SCD5: variants seen among roughly 807,000 people sequenced by gnomAD.
SCD5 encodes the protein acyl-CoA-desaturase 4.
In SCD5, 20 loss-of-function variants were observed where a neutral mutation model predicts 30.4. The observed-to-expected ratio is 0.66, with a 90% confidence interval of 0.46 to 0.96. The LOEUF (loss-of-function observed/expected upper bound fraction) is 0.96, where lower values mean the gene tolerates loss of function less well. Ranked by LOEUF, SCD5 falls within the 40% of genes least tolerant of loss-of-function variation. The pLI, the probability that SCD5 is intolerant of heterozygous loss-of-function variation, is 0.00. For synonymous variants in SCD5, 173 were observed against 176.4 expected, an observed-to-expected ratio of 0.98 and a Z score of 0.16; for missense variants, 381 against 443.3, an observed-to-expected ratio of 0.86 and a Z score of 1.26.
intron 2 of SCD5, among the ~76,000 whole-genome samples, 169 bp downstream of exon 2, chr4:82,705,114 T>C (rs1281546168): frequency 2.0e-5 from 3 of 152,246 alleles, no homozygotes; most frequent in Non-Finnish European, 2.9e-5. Flanking sequence ...GACATTTTAC[T>C]GTATCTAAAA....
chr4:82,795,746 C>G (rs1302814750), intron 1 of SCD5, among the ~76,000 whole-genome samples: 1 of 133,352 alleles, frequency 7.5e-6, no homozygotes, highest in Non-Finnish European at 1.5e-5. Context: ...TGCTTGAGCC[C>G]AGGAGACTGA....
chr4:82,716,875 C>T (rs1001759184), intron 1 of SCD5, among the ~76,000 whole-genome samples: 3 of 151,786 alleles, frequency 2.0e-5, no homozygotes, highest in Non-Finnish European at 4.4e-5. Flanking sequence ...GTTATGTCTG[C>T]ACTAAATATG....
intron 2 of SCD5, among the ~76,000 whole-genome samples, chr4:82,685,913 C>T (rs1013669613): frequency 6.6e-6 from 1 of 151,958 alleles, no homozygotes; most frequent in Non-Finnish European, 1.5e-5. Context: ...ACTTGTAGCA[C>T]ACCTCCAGGG....
At chr4:82,740,961 G>T (rs902509016) in intron 1 of SCD5, among the ~76,000 whole-genome samples, 10 of 150,546 alleles carry the variant, frequency 6.6e-5, no homozygotes, top group Non-Finnish European at 1.2e-4. Context: ...TTGAGACAGG[G>T]TCTCGCTCTG....
chr4:82,703,818 G>C (rs1414522758), intron 2 of SCD5, among the ~76,000 whole-genome samples: 1 of 152,140 alleles, frequency 6.6e-6, no homozygotes, highest in African/African-American at 2.4e-5. Flanking sequence ...TTGAACACAA[G>C]AAATGAAAAT....
intron 1 of SCD5, among the ~76,000 whole-genome samples, chr4:82,793,914 TG>T (rs1722153248): frequency 6.6e-6 from 1 of 152,106 alleles, no homozygotes; most frequent in African/African-American, 2.4e-5. Flanking sequence ...CATGCATTCT[TG>T]GGGGTCCTCA....
At chr4:82,681,013 T>G (rs868184593) in intron 2 of SCD5, 101 bp from the exon 3 acceptor site, 31 of 929,612 alleles carry the variant, frequency 3.3e-5, no homozygotes, top group Middle Eastern at 6.6e-4. Flanking sequence ...TCCTCACTGC[T>G]GGTTTCACTT....
chr4:82,688,759 C>T (rs1728766243), intron 2 of SCD5, among the ~76,000 whole-genome samples: 2 of 151,880 alleles, frequency 1.3e-5, no homozygotes, highest in African/African-American at 4.8e-5. Flanking sequence ...TTAAAAAGTG[C>T]CAATAAAACT....
intron 1 of SCD5, among the ~76,000 whole-genome samples, chr4:82,733,828 G>T (rs1243740440): frequency 6.6e-6 from 1 of 152,098 alleles, no homozygotes; most frequent in African/African-American, 2.4e-5. Flanking sequence ...GGTGACTCAG[G>T]CCCACCACCC....
intron 1 of SCD5, among the ~76,000 whole-genome samples, chr4:82,796,989 AAG>A (rs1020366138): frequency 6.6e-6 from 1 of 152,170 alleles, no homozygotes; most frequent in African/African-American, 2.4e-5. Flanking sequence ...GGGATCCCCA[AAG>A]ATCCTACCTC....
intron 1 of SCD5, among the ~76,000 whole-genome samples, chr4:82,796,649 A>C (rs1265335930): frequency 6.6e-6 from 1 of 152,108 alleles, no homozygotes; most frequent in African/African-American, 2.4e-5. Flanking sequence ...CTTTTCCCTG[A>C]GCACTCTCTG....
chr4:82,774,513 T>C (rs1006520858), intron 1 of SCD5, among the ~76,000 whole-genome samples: 1 of 152,346 alleles, frequency 6.6e-6, no homozygotes, highest in African/African-American at 2.4e-5. Flanking sequence ...CTTTTGCTTT[T>C]GCTTCCTTGT....
intron 1 of SCD5, among the ~76,000 whole-genome samples, chr4:82,733,297 C>T (rs532776921): frequency 6.6e-6 from 1 of 152,178 alleles, no homozygotes; most frequent in African/African-American, 2.4e-5. Context: ...CCCCAGAGCA[C>T]AGGCAAGCTA....
At chr4:82,717,916 A>AAAAAT (rs534411583) in intron 1 of SCD5, among the ~76,000 whole-genome samples, 5 of 151,594 alleles carry the variant, frequency 3.3e-5, no homozygotes, top group South Asian at 2.1e-4. Context: ...ATTCCCTCTC[A>AAAAAT]AAAATAAAAT....
intron 1 of SCD5, among the ~76,000 whole-genome samples, chr4:82,715,485 G>A (rs1190215797): frequency 1.3e-5 from 2 of 151,308 alleles, no homozygotes; most frequent in Admixed American, 1.3e-4. Flanking sequence ...GAACTGGAAG[G>A]CCCTTGACAA....
intron 1 of SCD5, among the ~76,000 whole-genome samples, chr4:82,757,171 C>T (rs1430346416): frequency 6.6e-6 from 1 of 152,174 alleles, no homozygotes; most frequent in Middle Eastern, 3.2e-3. Flanking sequence ...ATCTCCTTTC[C>T]CGTCACTCTC....
chr4:82,736,453 C>T (rs1038014400), intron 1 of SCD5, among the ~76,000 whole-genome samples: 3 of 149,576 alleles, frequency 2.0e-5, no homozygotes, highest in African/African-American at 7.4e-5. Flanking sequence ...ACTAAAAATA[C>T]AAAAATTAGC....
intron 1 of SCD5, among the ~76,000 whole-genome samples, chr4:82,789,589 G>GT (rs368039875): frequency 2.7e-4 from 41 of 152,346 alleles, no homozygotes; most frequent in Middle Eastern, 6.8e-3. Flanking sequence ...AACTGCAGCT[G>GT]TAAGACTGTC....
rs895749028 is a variant in SCD5, at chr4:82,736,540, A to G, written c.233-31127T>C. 8.5e-5 allele frequency among the ~76,000 whole-genome samples: 13 copies of G among 152,190 alleles called. No homozygotes were observed. In the East Asian group the frequency reaches 1.5e-3, roughly 18 times the overall value. Reference sequence around the variant, plus strand: ...GGAGAATCACTTGAACCCAGGAGGCAGAGGTTGCAGTGAGCCCAGATCGCG... The same window carrying G: ...GGAGAATCACTTGAACCCAGGAGGCGGAGGTTGCAGTGAGCCCAGATCGCG... On this transcript the variant is annotated intron_variant, in intron 1 of 4. Transcript: ENST00000319540.
Sources: allele counts gnomAD v4.1 joint callset (sites outside exome capture counted in the v4.1 genomes callset), GRCh38; gene constraint gnomAD v4.1.1; transcripts MANE v1.5; gene names NCBI Gene and HGNC (gene_info 2026-07-23, HGNC 2026-07-21).